The following FOXN3 variants were observed in gnomAD, a reference collection of about 807,000 sequenced individuals.
The protein encoded by FOXN3 is forkhead box protein N3.
FOXN3 carries 7 observed loss-of-function variants against 38.4 expected under a neutral mutation model. The ratio of observed to expected loss-of-function variants is 0.18; its 90% CI spans 0.10 to 0.34. The LOEUF (loss-of-function observed/expected upper bound fraction) is 0.34. FOXN3 is among the 10% of genes least tolerant of loss of function. The pLI is 1.00. For missense variants in FOXN3, 456 were observed against 613.4 expected, an observed-to-expected ratio of 0.74 and a Z score of 2.71; for synonymous variants, 230 against 242.2, an observed-to-expected ratio of 0.95 and a Z score of 0.47.
At chr14:89,389,247 T>C (rs1309987056) in intron 2 of FOXN3, among the ~76,000 whole-genome samples, 1 of 152,078 alleles carries the variant, frequency 6.6e-6, no homozygotes. Flanking sequence ...AAAACTTACA[T>C]GTTACAATGT....
chr14:89,314,712 G>C lies in FOXN3; in HGVS notation c.681-33698C>G, dbSNP rs1887670427. Among the ~76,000 whole-genome samples the C allele has an allele frequency of 2.0e-5, 3 of 152,196 alleles. No individual in the cohort carries two copies. In the South Asian group the frequency reaches 6.2e-4, roughly 31 times the overall value. ...TCAAACTGGGAAAAGACAGACATGA[G>C]ATGGACAGGGTGGTGTGGAGCTCTG... On this transcript the variant is annotated intron_variant, in intron 3 of 5. Transcript: ENST00000557258.
rs188363292 is a variant in FOXN3, at chr14:89,229,431, A to G, written c.746-48625T>C. Among the ~76,000 whole-genome samples, 9 of 152,354 alleles carry G rather than the reference A, an allele frequency of 5.9e-5. No individual in the cohort carries two copies. The East Asian group carries it at 1.7e-3, about 29-fold the overall frequency. On this transcript the variant is annotated intron_variant, in intron 4 of 5. Coordinates refer to ENST00000557258, the MANE Select transcript of FOXN3 (RefSeq NM_005197.4). ...AGCTCAGCAGCGAGAACACTCTTCT[A>G]TCTTGGTGGCTGTGGGATCACATGA... is the stretch of plus-strand genomic sequence containing the variant.
At chr14:89,301,890 C>T (rs896181481) in intron 3 of FOXN3, among the ~76,000 whole-genome samples, 5 of 152,104 alleles carry the variant, frequency 3.3e-5, no homozygotes, top group East Asian at 3.9e-4. Context: ...CAGAAAGGCC[C>T]GGCCCGACCT....
At chr14:89,398,777 G>A (rs981112166) in intron 2 of FOXN3, among the ~76,000 whole-genome samples, 1 of 152,164 alleles carries the variant, frequency 6.6e-6, no homozygotes, top group African/African-American at 2.4e-5. Flanking sequence ...CCTGAGGTCG[G>A]GAGTTCAAGA....
intron 4 of FOXN3, among the ~76,000 whole-genome samples, chr14:89,200,587 G>A (rs1164776216): frequency 6.6e-6 from 1 of 152,146 alleles, no homozygotes; most frequent in Non-Finnish European, 1.5e-5. Context: ...TACTCCCCAG[G>A]CAGATGCTTT....
intron 1 of FOXN3, among the ~76,000 whole-genome samples, chr14:89,512,705 G>A (rs570552586): frequency 2.0e-5 from 3 of 152,350 alleles, no homozygotes; most frequent in Non-Finnish European, 2.9e-5. Context: ...TTTCTCAACT[G>A]CCTTCAGCTC....
intron 1 of FOXN3, among the ~76,000 whole-genome samples, chr14:89,430,735 T>C (rs774596378): frequency 6.6e-6 from 1 of 152,240 alleles, no homozygotes; most frequent in Non-Finnish European, 1.5e-5. Flanking sequence ...CTGAACATTA[T>C]GTATTTTTAA....
At chr14:89,381,417 A>G (rs537326509) in intron 2 of FOXN3, among the ~76,000 whole-genome samples, 2 of 151,068 alleles carry the variant, frequency 1.3e-5, no homozygotes, top group Admixed American at 1.3e-4. Context: ...TGGTGACATA[A>G]CCATAAGAGC....
At chr14:89,437,204 T>C (rs1384995911) in intron 1 of FOXN3, among the ~76,000 whole-genome samples, 3 of 151,236 alleles carry the variant, frequency 2.0e-5, no homozygotes, top group African/African-American at 7.3e-5. Flanking sequence ...AAAAAAACAG[T>C]ATGGCTTAAT....
intron 2 of FOXN3, among the ~76,000 whole-genome samples, chr14:89,410,873 CAAAAAAAAA>C (rs1891523964): frequency 1.5e-5 from 2 of 135,736 alleles, no homozygotes; most frequent in African/African-American, 5.5e-5. Context: ...ACCCTGGTCC[CAAAAAAAAA>C]GAGGAAAAAA....
intron 1 of FOXN3, among the ~76,000 whole-genome samples, chr14:89,445,715 C>T (rs1244614495): frequency 2.6e-5 from 4 of 152,062 alleles, no homozygotes; most frequent in Non-Finnish European, 5.9e-5. Flanking sequence ...CTGGAGGCCA[C>T]AGAGGTCTCT....
At chr14:89,334,753 T>C (rs551845701) in intron 3 of FOXN3, among the ~76,000 whole-genome samples, 3 of 152,244 alleles carry the variant, frequency 2.0e-5, no homozygotes, top group African/African-American at 7.2e-5. Flanking sequence ...CTTTGTTTGT[T>C]TTGTTTTGAG....
chr14:89,167,125 A>G (rs1405159346), intron 5 of FOXN3, among the ~76,000 whole-genome samples: 1 of 152,354 alleles, frequency 6.6e-6, no homozygotes. Context: ...GTGGCTCAAC[A>G]AAACCACGTG....
At chr14:89,558,168 A>G (rs1895167928) in intron 1 of FOXN3, among the ~76,000 whole-genome samples, 1 of 152,232 alleles carries the variant, frequency 6.6e-6, no homozygotes, top group South Asian at 2.1e-4. Flanking sequence ...TGGGGCACTG[A>G]GGATGGGTTT....
chr14:89,210,640 C>T (rs571658125), intron 4 of FOXN3, among the ~76,000 whole-genome samples: 6 of 152,296 alleles, frequency 3.9e-5, no homozygotes, highest in East Asian at 3.9e-4. Context: ...AAACAAGCCA[C>T]GTATTTAAAG....
At chr14:89,258,437 C>G (rs1332294022) in intron 4 of FOXN3, among the ~76,000 whole-genome samples, 1 of 152,296 alleles carries the variant, frequency 6.6e-6, no homozygotes, top group East Asian at 1.9e-4. Flanking sequence ...GATGATGATG[C>G]CACTTTTCCT....
chr14:89,334,281 G>C (rs1445288762), intron 3 of FOXN3, among the ~76,000 whole-genome samples: 1 of 151,370 alleles, frequency 6.6e-6, no homozygotes, highest in Non-Finnish European at 1.5e-5. Flanking sequence ...GAAACGAGAT[G>C]ATGTTGGTCA....
intron 2 of FOXN3, among the ~76,000 whole-genome samples, chr14:89,375,400 GAA>G (rs996944294): frequency 5.9e-5 from 9 of 151,456 alleles, no homozygotes; most frequent in Non-Finnish European, 1.2e-4. Context: ...AACCTCACCA[GAA>G]AAAAAACTCT....
intron 1 of FOXN3, among the ~76,000 whole-genome samples, chr14:89,501,069 C>T (rs1009184164): frequency 1.3e-5 from 2 of 152,170 alleles, no homozygotes; most frequent in East Asian, 1.9e-4. Flanking sequence ...GGGATCGTGT[C>T]GCCTGGAGGA....
Sources: allele counts gnomAD v4.1 joint callset (sites outside exome capture counted in the v4.1 genomes callset), GRCh38; gene constraint gnomAD v4.1.1; transcripts MANE v1.5; gene names NCBI Gene and HGNC (gene_info 2026-07-23, HGNC 2026-07-21).